The following MAGI2 variants were observed in gnomAD, a reference collection of about 807,000 sequenced individuals.
The protein encoded by MAGI2 is membrane associated guanylate kinase, WW and PDZ domain containing 2.
MAGI2 carries 35 observed loss-of-function variants against 133.3 expected under a neutral mutation model. That is an observed-to-expected ratio of 0.26 (90% confidence interval 0.20 to 0.35). MAGI2 has a LOEUF of 0.35. MAGI2 is among the 10% of genes least tolerant of loss of function. The pLI is 1.00. For synonymous variants in MAGI2, 729 were observed against 710.6 expected (o/e 1.03, Z -0.41); for missense variants, 1,636 against 1,863.4 (o/e 0.88, Z 2.25).
intron 1 of MAGI2, among the ~76,000 whole-genome samples, chr7:79,356,071 T>G (rs1841999095): frequency 6.6e-6 from 1 of 152,194 alleles, no homozygotes; most frequent in Non-Finnish European, 1.5e-5. Context: ...TCCATCTTGC[T>G]TAAAGGATAT....
chr7:78,847,261 C>T (rs1254937663), intron 2 of MAGI2, among the ~76,000 whole-genome samples: 1 of 151,808 alleles, frequency 6.6e-6, no homozygotes, highest in Non-Finnish European at 1.5e-5. Context: ...TACAAATATG[C>T]CTCATACATG....
At chr7:79,179,888 A>G (rs1231415391) in intron 1 of MAGI2, among the ~76,000 whole-genome samples, 2 of 152,056 alleles carry the variant, frequency 1.3e-5, no homozygotes, top group Non-Finnish European at 2.9e-5. Flanking sequence ...TTAAGACAGA[A>G]AAGCGCAGGC....
chr7:78,310,623 G>C (rs929655142), intron 9 of MAGI2, among the ~76,000 whole-genome samples: 1 of 152,074 alleles, frequency 6.6e-6, no homozygotes, highest in African/African-American at 2.4e-5. Context: ...GCTGGGAGTA[G>C]GGATGTTTAC....
At chr7:78,667,460 T>C (rs1346252859) in intron 2 of MAGI2, among the ~76,000 whole-genome samples, 2 of 151,866 alleles carry the variant, frequency 1.3e-5, no homozygotes, top group African/African-American at 4.8e-5. Flanking sequence ...TACATATGTA[T>C]ATATGTGCCA....
intron 2 of MAGI2, among the ~76,000 whole-genome samples, chr7:78,655,045 A>C (rs1442006015): frequency 6.6e-6 from 1 of 151,842 alleles, no homozygotes; most frequent in Non-Finnish European, 1.5e-5. Flanking sequence ...ATTTACCCTG[A>C]TGTGACTTTT....
intron 2 of MAGI2, among the ~76,000 whole-genome samples, chr7:78,891,230 T>A (rs1202884243): frequency 6.6e-6 from 1 of 152,164 alleles, no homozygotes; most frequent in African/African-American, 2.4e-5. Flanking sequence ...ATTGAGGCAA[T>A]AATTAATAGC....
At chr7:79,277,891 G>T (rs576044149) in intron 1 of MAGI2, among the ~76,000 whole-genome samples, 202 of 152,224 alleles carry the variant, frequency 1.3e-3, no homozygotes, top group African/African-American at 4.6e-3. Flanking sequence ...CTATCTCCCA[G>T]TATCTGTAAA....
chr7:78,534,783 A>G (rs560042426), intron 3 of MAGI2, among the ~76,000 whole-genome samples: 61 of 152,344 alleles, frequency 4.0e-4, no homozygotes, highest in African/African-American at 1.4e-3. Flanking sequence ...GGGAGCAAGT[A>G]GAGTCAGTGA....
At chr7:78,922,765 T>C (rs575304530) in intron 2 of MAGI2, among the ~76,000 whole-genome samples, 1,530 of 151,482 alleles carry the variant, frequency 0.01, 25 homozygotes, top group African/African-American at 0.034. Flanking sequence ...GAGGAATCGC[T>C]ACACTGACTT....
intron 2 of MAGI2, among the ~76,000 whole-genome samples, chr7:78,653,284 G>T (rs1373525848): frequency 6.6e-6 from 1 of 151,972 alleles, no homozygotes; most frequent in Non-Finnish European, 1.5e-5. Context: ...CCCATTACTG[G>T]GTATAAACCC....
intron 1 of MAGI2, among the ~76,000 whole-genome samples, chr7:79,433,920 G>C (rs1431067887): frequency 6.6e-6 from 1 of 152,066 alleles, no homozygotes; most frequent in East Asian, 1.9e-4. Flanking sequence ...TTCCTTGATG[G>C]AATAAACTTA....
At chr7:78,341,033 T>G (rs1022010906) in intron 9 of MAGI2, among the ~76,000 whole-genome samples, 5 of 152,152 alleles carry the variant, frequency 3.3e-5, no homozygotes, top group African/African-American at 7.2e-5. Flanking sequence ...TTTTGCAGAT[T>G]ACATGATTGT....
chr7:79,283,358 C>T (rs560129888), intron 1 of MAGI2, among the ~76,000 whole-genome samples: 48 of 152,204 alleles, frequency 3.2e-4, no homozygotes, highest in Non-Finnish European at 4.1e-4. Flanking sequence ...GCATTCTTTG[C>T]GTGTCCAAGT....
At position 78,726,000 on chromosome 7, in the gene MAGI2, A is replaced by G. The variant is rs144210852; in HGVS notation, c.419-98761T>C. 7.9e-3 allele frequency among the ~76,000 whole-genome samples: 1,207 copies of G among 152,300 alleles called. 24 individuals are homozygous for G. The highest frequency in any genetic ancestry group is 0.028 in the African/African-American group (1,146 of 41,566). On this transcript the variant is annotated intron_variant, in intron 2 of 21. Transcript: ENST00000354212. Reference sequence around the variant, plus strand: ...GGCTTTTAATATAGTTGCTCAAAAAAAATGTTAAATTGAATGTTTAATATA... The same window carrying G: ...GGCTTTTAATATAGTTGCTCAAAAAGAATGTTAAATTGAATGTTTAATATA...
At chr7:78,054,975 T>G (rs1812415870) in intron 21 of MAGI2, among the ~76,000 whole-genome samples, 1 of 151,884 alleles carries the variant, frequency 6.6e-6, no homozygotes, top group African/African-American at 2.4e-5. Context: ...CTTTTTCTTA[T>G]TTCTTAACCT....
chr7:79,234,406 A>T (rs1169761973), intron 1 of MAGI2, among the ~76,000 whole-genome samples: 1 of 151,812 alleles, frequency 6.6e-6, no homozygotes, highest in African/African-American at 2.4e-5. Context: ...ACTTGGTTCC[A>T]TTCTCCCCAT....
intron 1 of MAGI2, among the ~76,000 whole-genome samples, chr7:79,222,504 A>C (rs934612678): frequency 6.6e-6 from 1 of 152,074 alleles, no homozygotes; most frequent in Admixed American, 6.5e-5. Context: ...ATTGAAATTT[A>C]ATAATTTGTT....
At chr7:78,449,231 G>A (rs1237153637) in intron 6 of MAGI2, among the ~76,000 whole-genome samples, 1 of 151,958 alleles carries the variant, frequency 6.6e-6, no homozygotes, top group Non-Finnish European at 1.5e-5. Context: ...GGACAAGAGA[G>A]TTAGAAGAGA....
rs1790639310 is a variant in MAGI2, at chr7:78,343,890, G to C, written c.1296C>G (p.Ser432Arg). 1.2e-6 allele frequency: 2 copies of C among 1,613,132 alleles called. No individual in the cohort carries two copies. The highest frequency in any genetic ancestry group is 4.5e-5 in the East Asian group (2 of 44,832). Reference protein sequence around the residue: ...GTFLSTTLKKSNMGFGFTIIG... With the variant: ...GTFLSTTLKKRNMGFGFTIIG... ...TGATGGTAAATCCAAAGCCCATGTT[G>C]CTCTTTTTTAGGGTGGTGCTGAGGA... Residue 432 changes from serine (S) to arginine (R), a missense_variant, in exon 9 of 22, where the codon AGC becomes AGG. This residue lies in a region of MAGI2 where 920 missense variants were observed against 1,093.5 expected (regional missense o/e 0.84). Coordinates refer to ENST00000354212, the MANE Select transcript of MAGI2 (RefSeq NM_012301.4).
Sources: gnomAD v4.1 joint callset for allele counts (sites outside exome capture counted in the v4.1 genomes callset) on GRCh38, gnomAD v4.1.1 for gene constraint, gnomAD v4.1.1 regional missense constraint, MANE v1.5 for transcripts, NCBI Gene and HGNC (gene_info 2026-07-23, HGNC 2026-07-21) for gene names.